RBFOX2: variants seen among roughly 807,000 people sequenced by gnomAD.
RBFOX2 encodes the protein RNA binding fox-1 homolog 2.
RBFOX2 carries 10 observed loss-of-function variants against 49.1 expected under a neutral mutation model. That is an observed-to-expected ratio of 0.20 (90% confidence interval 0.13 to 0.35). RBFOX2 has a LOEUF of 0.35. RBFOX2 is among the 10% of genes least tolerant of loss of function. RBFOX2 has a pLI of 1.00. For synonymous variants in RBFOX2, 183 were observed against 187.4 expected, an observed-to-expected ratio of 0.98 and a Z score of 0.19; for missense variants, 323 against 486.9, an observed-to-expected ratio of 0.66 and a Z score of 3.17.
chr22:35,937,970 C>G (rs1288334123), intron 1 of RBFOX2, among the ~76,000 whole-genome samples: 2 of 152,170 alleles, frequency 1.3e-5, no homozygotes, highest in Non-Finnish European at 2.9e-5. Flanking sequence ...TGAACTCTTT[C>G]GTTTAGCACT....
At chr22:35,977,727 T>TAG (rs2057249830) in intron 1 of RBFOX2, among the ~76,000 whole-genome samples, 1 of 11,858 alleles carries the variant, frequency 8.4e-5, no homozygotes, top group Non-Finnish European at 2.1e-4. Context: ...ATGAACTATA[T>TAG]ATATATATAT....
At chr22:36,023,046 T>C (rs1437403825) in intron 1 of RBFOX2, among the ~76,000 whole-genome samples, 2 of 152,144 alleles carry the variant, frequency 1.3e-5, no homozygotes, top group Non-Finnish European at 2.9e-5. Flanking sequence ...AGTGAAATAT[T>C]GTTCATGAAA....
chr22:35,976,171 T>C (rs766486904), intron 1 of RBFOX2, among the ~76,000 whole-genome samples: 9 of 152,224 alleles, frequency 5.9e-5, no homozygotes, highest in Admixed American at 1.3e-4. Context: ...GTTACTAACG[T>C]TGTTTTCAGC....
intron 1 of RBFOX2, among the ~76,000 whole-genome samples, chr22:35,956,517 A>G (rs1230578454): frequency 6.6e-6 from 1 of 152,016 alleles, no homozygotes; most frequent in Non-Finnish European, 1.5e-5. Flanking sequence ...ACATGCCAGC[A>G]CACCCGGCTA....
rs56882260 is a variant in RBFOX2, at chr22:35,968,636, A to T, written c.187-29739T>A. On this transcript the variant is annotated intron_variant, in intron 1 of 13. Coordinates refer to the RBFOX2 transcript ENST00000438146. ...CAACAGACAAAGGTTTGACCTGAGG[A>T]TTAAATTCTTCAACAGGAACCATAA... is the stretch of plus-strand genomic sequence containing the variant. Among the ~76,000 whole-genome samples the T allele has an allele frequency of 1.1e-3, 175 of 152,340 alleles. 1 individual carries two copies. The highest frequency in any genetic ancestry group is 3.9e-3 in the African/African-American group (163 of 41,578).
chr22:35,783,517 G>A lies in RBFOX2; in HGVS notation c.253-1771C>T, dbSNP rs968770509. Reference sequence around the variant, plus strand: ...AAAAACCTACAACATGAGGTCTACAGGGTAGCTGCTTTTCAAAAGCGAGTT... The same window carrying A: ...AAAAACCTACAACATGAGGTCTACAAGGTAGCTGCTTTTCAAAAGCGAGTT... On this transcript the variant is annotated intron_variant, in intron 2 of 11. Coordinates refer to ENST00000405409, the Ensembl canonical transcript of RBFOX2. Among the ~76,000 whole-genome samples, 3 of 152,258 alleles carry A rather than the reference G, an allele frequency of 2.0e-5. No individual in the cohort carries two copies. In the East Asian group the frequency reaches 5.8e-4, roughly 29 times the overall value.
intron 1 of RBFOX2, among the ~76,000 whole-genome samples, chr22:35,990,773 T>G (rs1475015530): frequency 6.6e-6 from 1 of 152,162 alleles, no homozygotes; most frequent in African/African-American, 2.4e-5. Flanking sequence ...TGTTCATTTT[T>G]TAAATGAGGG....
chr22:35,926,012 AG>A lies in RBFOX2; in HGVS notation c.-34+12834del, dbSNP rs1480910419. Among the ~76,000 whole-genome samples, 9 of 152,334 alleles carry A rather than the reference AG, an allele frequency of 5.9e-5. No individual in the cohort carries two copies. In the South Asian group the frequency reaches 1.2e-3, roughly 21 times the overall value. On this transcript the variant is annotated intron_variant, in intron 1 of 13. Coordinates refer to the RBFOX2 transcript ENST00000359369. ...CAACCCTAGATGAGATCAGTATAAT[AG>A]TATGCAGCTAATGCTATTAAGAAAA...
intron 1 of RBFOX2, among the ~76,000 whole-genome samples, chr22:35,932,749 C>CGCAT (rs2052576311): frequency 6.6e-6 from 1 of 152,014 alleles, no homozygotes; most frequent in Non-Finnish European, 1.5e-5. Flanking sequence ...GGCTTAGTGT[C>CGCAT]GCATGTCTGT....
intron 1 of RBFOX2, among the ~76,000 whole-genome samples, chr22:36,019,609 T>C (rs2059167757): frequency 6.6e-6 from 1 of 152,216 alleles, no homozygotes; most frequent in Non-Finnish European, 1.5e-5. Context: ...AGATGTTGAA[T>C]AGCTCATTCA....
chr22:35,895,414 A>G (rs2047722340), intron 1 of RBFOX2, among the ~76,000 whole-genome samples: 1 of 152,190 alleles, frequency 6.6e-6, no homozygotes, highest in African/African-American at 2.4e-5. Flanking sequence ...AGCCCCTTGC[A>G]GAAGCCAAGC....
chr22:35,880,345 G>C (rs989021915), intron 1 of RBFOX2, among the ~76,000 whole-genome samples: 2 of 152,194 alleles, frequency 1.3e-5, no homozygotes, highest in Non-Finnish European at 2.9e-5. Context: ...GGTTTAGCAA[G>C]TCTGAGGGCA....
At chr22:35,952,603 T>A (rs1292327173) in intron 1 of RBFOX2, among the ~76,000 whole-genome samples, 1 of 152,186 alleles carries the variant, frequency 6.6e-6, no homozygotes, top group Non-Finnish European at 1.5e-5. Context: ...AAATAAATAT[T>A]TAATAAGTCC....
intron 1 of RBFOX2, chr22:35,897,180 C>T (rs1161107013): frequency 4.3e-6 from 3 of 689,990 alleles, no homozygotes; most frequent in Non-Finnish European, 7.7e-6. Context: ...GTACAGGATT[C>T]TCTAAAGAGA....
intron 1 of RBFOX2, among the ~76,000 whole-genome samples, chr22:35,991,301 G>C (rs533263691): frequency 4.6e-4 from 70 of 152,296 alleles, no homozygotes; most frequent in African/African-American, 1.7e-3. Context: ...CGGAAGATCG[G>C]AATGGAAGAG....
chr22:35,903,946 T>TTCC (rs67672727), intron 1 of RBFOX2, among the ~76,000 whole-genome samples: 6,794 of 108,734 alleles, frequency 0.062, 487 homozygotes, highest in African/African-American at 0.28. Context: ...CATTACATTT[T>TTCC]TCTTTCCAAA....
At chr22:35,996,629 A>C (rs2058204692) in intron 1 of RBFOX2, 1 of 152,012 alleles carries the variant, frequency 6.6e-6, no homozygotes, top group African/African-American at 2.4e-5. Context: ...AAAAAAGAAA[A>C]AAAAAAGCTG....
intron 1 of RBFOX2, among the ~76,000 whole-genome samples, chr22:35,924,146 T>G (rs1447652642): frequency 6.6e-6 from 1 of 152,192 alleles, no homozygotes; most frequent in African/African-American, 2.4e-5. Flanking sequence ...TGCCTGCACA[T>G]AGTCAGTATT....
intron 1 of RBFOX2, among the ~76,000 whole-genome samples, chr22:35,854,815 A>G (rs999436633): frequency 6.6e-6 from 1 of 152,180 alleles, no homozygotes; most frequent in African/African-American, 2.4e-5. Context: ...TTTAATTGCT[A>G]TAATTTGAAG....
Sources: gnomAD v4.1 joint callset for allele counts (sites outside exome capture counted in the v4.1 genomes callset) on GRCh38, gnomAD v4.1.1 for gene constraint, MANE v1.5 for transcripts, NCBI Gene and HGNC (gene_info 2026-07-23, HGNC 2026-07-21) for gene names.